ZHX3: variants seen among roughly 807,000 people sequenced by gnomAD.
ZHX3 encodes the protein zinc fingers and homeoboxes protein 3.
A neutral mutation model predicts 64.5 loss-of-function variants in ZHX3; 20 were observed. The ratio of observed to expected loss-of-function variants is 0.31; its 90% confidence interval spans 0.22 to 0.45. The LOEUF is 0.45. Ranked by LOEUF, ZHX3 falls within the 20% of genes least tolerant of loss-of-function variation. The pLI is 1.00. For missense variants in ZHX3, 1,041 were observed against 1,195.8 expected, an observed-to-expected ratio of 0.87 and a Z score of 1.91; for synonymous variants, 423 against 461.6, an observed-to-expected ratio of 0.92 and a Z score of 1.07.
chr20:41,312,912 G>A (rs191939257), intron 1 of ZHX3, among the ~76,000 whole-genome samples: 19 of 152,298 alleles, frequency 1.2e-4, no homozygotes, highest in Admixed American at 7.8e-4. Flanking sequence ...CACTCTGGCT[G>A]CTGTGAGGAA....
chr20:41,276,514 G>C (rs940118719), intron 1 of ZHX3, among the ~76,000 whole-genome samples: 1 of 152,076 alleles, frequency 6.6e-6, no homozygotes, highest in Admixed American at 6.5e-5. Flanking sequence ...TAGCTCTCTG[G>C]GTCTCTAATT....
At chr20:41,280,792 G>A (rs1039445931) in intron 1 of ZHX3, among the ~76,000 whole-genome samples, 2 of 151,924 alleles carry the variant, frequency 1.3e-5, no homozygotes, top group Non-Finnish European at 2.9e-5. Context: ...TAGTGATTTA[G>A]AAGATCAAAC....
At chr20:41,210,830 A>C (rs2039106883) in intron 2 of ZHX3, among the ~76,000 whole-genome samples, 1 of 152,242 alleles carries the variant, frequency 6.6e-6, no homozygotes, top group South Asian at 2.1e-4. Flanking sequence ...CCTAAAACTT[A>C]AAGTATAATT....
At chr20:41,205,820 G>A (rs1250248186) in intron 2 of ZHX3, among the ~76,000 whole-genome samples, 1 of 152,194 alleles carries the variant, frequency 6.6e-6, no homozygotes, top group African/African-American at 2.4e-5. Context: ...GTCTCACCTT[G>A]AGATCTGAGA....
chr20:41,294,601 GATCC>G (rs2044413385), intron 1 of ZHX3, among the ~76,000 whole-genome samples: 1 of 152,140 alleles, frequency 6.6e-6, no homozygotes, highest in Non-Finnish European at 1.5e-5. Flanking sequence ...GACCTCAAGT[GATCC>G]ATCCACCTCA....
chr20:41,312,506 A>G (rs1023047065), intron 1 of ZHX3, among the ~76,000 whole-genome samples: 1 of 152,218 alleles, frequency 6.6e-6, no homozygotes, highest in South Asian at 2.1e-4. Flanking sequence ...AGTCAGCAAG[A>G]CCACAGACCT....
Position 41,202,030 on chromosome 20 carries a change from T to C in ZHX3, c.2860+27A>G. ...GCCTCCTCCCCTTACCCACACAGGA[T>C]AGCCATGGCCCCTGTGGACTCCTTA... is the stretch of plus-strand genomic sequence containing the variant. On this transcript the variant is annotated intron_variant, in intron 3 of 3. Coordinates refer to ENST00000683867, the MANE Select transcript of ZHX3 (RefSeq NM_001384317.1). This position sits in a 1 kb window ranked among gnomAD's most constrained non-coding sequence, Gnocchi z 7.0. 6.4e-7 allele frequency: 1 copy of C among 1,551,574 alleles called. No homozygotes were observed. Among genetic ancestry groups the C allele is most frequent in the South Asian group, 1.3e-5 (1 of 79,876 alleles).
intron 1 of ZHX3, among the ~76,000 whole-genome samples, chr20:41,298,056 TAA>T (rs2044626156): frequency 6.6e-6 from 1 of 151,826 alleles, no homozygotes; most frequent in Non-Finnish European, 1.5e-5. Context: ...CCTGGTGAGT[TAA>T]AAAGAGTCAT....
rs957411043 is a variant in ZHX3, at chr20:41,201,196, T to C, written c.2860+861A>G. ...CACAAATAGTGTCTCCTGTACCCCCTCCCACATTGCCAACTCAGCTAGCAA... is the reference window on the plus strand; with the variant it reads ...CACAAATAGTGTCTCCTGTACCCCCCCCCACATTGCCAACTCAGCTAGCAA... On this transcript the variant is annotated intron_variant, in intron 3 of 3. Coordinates refer to ENST00000683867, the MANE Select transcript of ZHX3 (RefSeq NM_001384317.1). This position sits in a 1 kb window ranked among gnomAD's most constrained non-coding sequence, Gnocchi z 5.0. 1.1e-6 allele frequency: 1 copy of C among 916,514 alleles called. No individual in the cohort carries two copies. The highest frequency in any genetic ancestry group is 1.5e-6 in the Non-Finnish European group (1 of 678,726). The allele number at this position is 916,514 out of a possible 1,614,324, so 56.8% of individuals were successfully genotyped here.
chr20:41,238,109 C>T lies in ZHX3; in HGVS notation c.-151+30881G>A, dbSNP rs141879837. ...CAGTTGCTTGCTTACTACCAAAAACCGGGGTCAATCATTATAAGCATTCCC... is the reference window on the plus strand; with the variant it reads ...CAGTTGCTTGCTTACTACCAAAAACTGGGGTCAATCATTATAAGCATTCCC... On this transcript the variant is annotated intron_variant, in intron 2 of 3. Coordinates refer to ENST00000683867, the MANE Select transcript of ZHX3 (RefSeq NM_001384317.1). 3.5e-4 allele frequency among the ~76,000 whole-genome samples: 53 copies of T among 152,274 alleles called. 1 individual carries two copies. The highest frequency in any genetic ancestry group is 1.3e-4 in the Non-Finnish European group (9 of 68,030).
rs552641778 is a variant in ZHX3, at chr20:41,205,576, C to T, written c.-150-510G>A. 7.0e-5 allele frequency among the ~76,000 whole-genome samples: 5 copies of T among 71,776 alleles called. No homozygotes were observed. The South Asian group carries it at 1.6e-3, about 23-fold the overall frequency. 47.1% of individuals were successfully genotyped at this position (71,776 alleles called of 152,430 possible). A position where few individuals can be genotyped will look rare whatever the true frequency, so the allele number is the denominator to read the frequency against. ...GTGTGAACGGAAGGGGTGGGGTGGGCGGGGGTGGCTAGGAAGACCGGCTGC... is the reference window on the plus strand; with the variant it reads ...GTGTGAACGGAAGGGGTGGGGTGGGTGGGGGTGGCTAGGAAGACCGGCTGC... On this transcript the variant is annotated intron_variant, in intron 2 of 3. Coordinates refer to ENST00000683867, the MANE Select transcript of ZHX3 (RefSeq NM_001384317.1).
chr20:41,302,979 G>A (rs1326935208), intron 1 of ZHX3, among the ~76,000 whole-genome samples: 1 of 152,254 alleles, frequency 6.6e-6, no homozygotes, highest in Non-Finnish European at 1.5e-5. Flanking sequence ...AAGAAAGCCT[G>A]GAGCTAGGAT....
chr20:41,248,895 T>G (rs2041851308), intron 2 of ZHX3, among the ~76,000 whole-genome samples: 3 of 152,176 alleles, frequency 2.0e-5, no homozygotes, highest in African/African-American at 7.2e-5. Context: ...AAGACCCAAG[T>G]CAATTTATAG....
chr20:41,220,981 C>A (rs144674391), intron 2 of ZHX3, among the ~76,000 whole-genome samples: 5 of 152,140 alleles, frequency 3.3e-5, no homozygotes, highest in African/African-American at 9.6e-5. Context: ...AGCCACTGTG[C>A]CCAGCCGACA....
At chr20:41,271,111 C>T (rs1343018827) in intron 1 of ZHX3, among the ~76,000 whole-genome samples, 1 of 152,176 alleles carries the variant, frequency 6.6e-6, no homozygotes, top group Admixed American at 6.5e-5. Flanking sequence ...ACCTCCGCCT[C>T]CCAAGTCCAA....
chr20:41,246,906 A>C (rs999622065), intron 2 of ZHX3, among the ~76,000 whole-genome samples: 1 of 150,206 alleles, frequency 6.7e-6, no homozygotes, highest in Non-Finnish European at 1.5e-5. Flanking sequence ...ACAAACAAAC[A>C]AAAAAAACTA....
At chr20:41,222,979 T>C (rs1047370782) in intron 2 of ZHX3, among the ~76,000 whole-genome samples, 7 of 152,088 alleles carry the variant, frequency 4.6e-5, no homozygotes, top group African/African-American at 1.7e-4. Context: ...ATGTTCCTTT[T>C]ACCTCTTCCA....
intron 2 of ZHX3, among the ~76,000 whole-genome samples, chr20:41,207,079 C>A (rs2038773769): frequency 6.6e-6 from 1 of 152,144 alleles, no homozygotes; most frequent in African/African-American, 2.4e-5. Flanking sequence ...GAAATAAAAT[C>A]CTTTACAGAC....
chr20:41,229,989 C>G (rs1301398943), intron 2 of ZHX3, among the ~76,000 whole-genome samples: 1 of 152,172 alleles, frequency 6.6e-6, no homozygotes, highest in Non-Finnish European at 1.5e-5. Flanking sequence ...CCAGTTTTCT[C>G]AGCACCATTT....
Sources: allele counts gnomAD v4.1 joint callset (sites outside exome capture counted in the v4.1 genomes callset), GRCh38; gene constraint gnomAD v4.1.1; non-coding constraint Gnocchi (gnomAD v3.1); transcripts MANE v1.5; gene names NCBI Gene and HGNC (gene_info 2026-07-23, HGNC 2026-07-21).